PRKN: variants seen among roughly 807,000 people sequenced by gnomAD.
PRKN encodes E3 ubiquitin-protein ligase parkin.
In PRKN, 56 loss-of-function variants were observed where a neutral mutation model predicts 59.5. That is an observed-to-expected ratio of 0.94 (90% CI 0.76 to 1.18). The LOEUF is 1.18. Ranked by LOEUF, PRKN falls within the 50% of genes most tolerant of loss-of-function variation. PRKN has a pLI of 0.00. For missense variants in PRKN, 657 were observed against 596.4 expected, an observed-to-expected ratio of 1.10 and a Z score of -1.06; for synonymous variants, 250 against 222.1, an observed-to-expected ratio of 1.13 and a Z score of -1.12.
At chr6:161,882,758 C>T (rs1237224773) in intron 6 of PRKN, among the ~76,000 whole-genome samples, 1 of 152,132 alleles carries the variant, frequency 6.6e-6, no homozygotes, top group Non-Finnish European at 1.5e-5. Flanking sequence ...AATCCCAGCA[C>T]TTTGGGAGGC....
At chr6:161,541,089 T>C (rs568670) in intron 9 of PRKN, among the ~76,000 whole-genome samples, 105,944 of 152,152 alleles carry the variant, frequency 0.7, 37,244 homozygotes, top group Middle Eastern at 0.81. Context: ...GCAAATGTTA[T>C]TCCTTGGACA....
At chr6:161,583,557 T>G (rs569897317) in intron 7 of PRKN, among the ~76,000 whole-genome samples, 3 of 152,158 alleles carry the variant, frequency 2.0e-5, no homozygotes, top group Non-Finnish European at 4.4e-5. Context: ...TTGTTTTCAT[T>G]GCCATTATAA....
chr6:161,830,504 G>A (rs1272046216), intron 6 of PRKN, among the ~76,000 whole-genome samples: 4 of 152,136 alleles, frequency 2.6e-5, no homozygotes, highest in East Asian at 1.9e-4. Flanking sequence ...TGCCCGCCTC[G>A]GCCTCCCAAA....
intron 2 of PRKN, among the ~76,000 whole-genome samples, chr6:162,376,611 G>A (rs1786100814): frequency 1.3e-5 from 2 of 151,290 alleles, no homozygotes; most frequent in South Asian, 4.2e-4. Flanking sequence ...TACTACACCA[G>A]GCAATGCTTC....
intron 2 of PRKN, among the ~76,000 whole-genome samples, chr6:162,277,302 A>T (rs1316842164): frequency 6.6e-6 from 1 of 152,176 alleles, no homozygotes; most frequent in Admixed American, 6.5e-5. Context: ...ACTAAGATTC[A>T]CACGGGCATT....
chr6:161,559,481 T>C (rs7750369), intron 8 of PRKN, among the ~76,000 whole-genome samples: 13,226 of 152,246 alleles, frequency 0.087, 796 homozygotes, highest in African/African-American at 0.17. Flanking sequence ...AGTGTTAGGG[T>C]AGCACCTAAA....
At chr6:162,367,040 T>C (rs138776196) in intron 2 of PRKN, among the ~76,000 whole-genome samples, 3,550 of 152,230 alleles carry the variant, frequency 0.023, 67 homozygotes, top group Non-Finnish European at 0.03. Context: ...ATAATCCCCA[T>C]GTGTTACGGG....
intron 7 of PRKN, among the ~76,000 whole-genome samples, chr6:161,777,585 G>A (rs1583149511): frequency 6.7e-6 from 1 of 150,032 alleles, no homozygotes; most frequent in Admixed American, 6.7e-5. Context: ...ACACTGTTAA[G>A]ACGTTTGGTG....
intron 6 of PRKN, among the ~76,000 whole-genome samples, chr6:161,888,692 A>G (rs1486874907): frequency 6.6e-6 from 1 of 152,130 alleles, no homozygotes; most frequent in East Asian, 1.9e-4. Context: ...ATCCTCCAGC[A>G]TCCTTTGATC....
chr6:162,009,244 C>T (rs1200761701), intron 5 of PRKN, among the ~76,000 whole-genome samples: 1 of 151,792 alleles, frequency 6.6e-6, no homozygotes, highest in Non-Finnish European at 1.5e-5. Context: ...CAGAGCAAGA[C>T]TCTGTCTTGG....
chr6:162,582,345 T>A (rs1239195649), intron 1 of PRKN, among the ~76,000 whole-genome samples: 1 of 152,236 alleles, frequency 6.6e-6, no homozygotes, highest in African/African-American at 2.4e-5. Context: ...TGTTTATCCA[T>A]GTGACTTTGC....
intron 9 of PRKN, among the ~76,000 whole-genome samples, chr6:161,535,025 T>TGGTA (rs1221227805): frequency 2.0e-5 from 3 of 152,256 alleles, no homozygotes; most frequent in Non-Finnish European, 1.5e-5. Flanking sequence ...AAAGCTTTAG[T>TGGTA]CTGTGGTACA....
At position 161,484,867 on chromosome 6, in the gene PRKN, C is replaced by T. The variant is rs1313497735; in HGVS notation, c.1083+63987G>A. On this transcript the variant is annotated intron_variant, in intron 9 of 11. Coordinates refer to ENST00000366898, the MANE Select transcript of PRKN (RefSeq NM_004562.3). This position sits in a 1 kb window ranked among gnomAD's most constrained non-coding sequence, Gnocchi z 4.9. The stretch of plus-strand genomic sequence containing the variant: ...AAAGGTGTCTGCTCCTAACCACCTG[C>T]CTCTCAAAGGTGTCTGCTCCTAACC... Among the ~76,000 whole-genome samples, 1 of 150,186 alleles carries T rather than the reference C, an allele frequency of 6.7e-6. No individual in the cohort carries two copies. Among genetic ancestry groups the T allele is most frequent in the Non-Finnish European group, 1.5e-5 (1 of 67,992 alleles).
chr6:162,045,899 C>G (rs1473418999), intron 5 of PRKN, among the ~76,000 whole-genome samples: 4 of 152,214 alleles, frequency 2.6e-5, no homozygotes, highest in Non-Finnish European at 5.9e-5. Context: ...ATCTCTAATC[C>G]TTGATATTTC....
At chr6:161,675,390 G>A (rs1785050559) in intron 7 of PRKN, among the ~76,000 whole-genome samples, 1 of 152,166 alleles carries the variant, frequency 6.6e-6, no homozygotes. Context: ...AGGAGCGCTT[G>A]TATCCTTGCA....
chr6:161,664,270 T>C (rs1264168281), intron 7 of PRKN, among the ~76,000 whole-genome samples: 3 of 152,150 alleles, frequency 2.0e-5, no homozygotes, highest in African/African-American at 7.2e-5. Context: ...ACGGTTTAAA[T>C]GTATTGGGTA....
chr6:161,781,863 T>A (rs1027485248), intron 7 of PRKN, among the ~76,000 whole-genome samples: 1 of 152,170 alleles, frequency 6.6e-6, no homozygotes, highest in Non-Finnish European at 1.5e-5. Context: ...GCCAACTACA[T>A]AGAATAACAT....
In PRKN at chr6:161,397,529, T is replaced by A. The variant is rs1179000570; in HGVS notation, c.1084-10652A>T. On this transcript the variant is annotated intron_variant, in intron 9 of 11. Transcript: ENST00000366898. The surrounding 1 kb of genome is among the most constrained non-coding windows in gnomAD (Gnocchi z 4.2). ...TCTCTTCTAACAACTTCTCAAAATC[T>A]ATTCCACCCTTCCCAACTCCTCTTT... Among the ~76,000 whole-genome samples, 1 of 152,192 alleles carries A rather than the reference T, an allele frequency of 6.6e-6. No individual in the cohort carries two copies. The highest frequency in any genetic ancestry group is 1.5e-5 in the Non-Finnish European group (1 of 68,040).
chr6:161,777,757 G>GTATATGTATATATGTA (rs201718338), intron 7 of PRKN, among the ~76,000 whole-genome samples: 32 of 135,266 alleles, frequency 2.4e-4, no homozygotes, highest in African/African-American at 6.6e-4. Context: ...AGATATATAT[G>GTATATGTATATATGTA]TATATGTATA....
Sources: gnomAD v4.1 joint callset for allele counts (sites outside exome capture counted in the v4.1 genomes callset) on GRCh38, gnomAD v4.1.1 for gene constraint, Gnocchi (gnomAD v3.1) non-coding constraint, MANE v1.5 for transcripts, NCBI Gene and HGNC (gene_info 2026-07-23, HGNC 2026-07-21) for gene names.